The following PTPN1 variants were observed in gnomAD, a reference collection of about 807,000 sequenced individuals.
The protein encoded by PTPN1 is protein tyrosine phosphatase non-receptor type 1.
PTPN1 carries 12 observed loss-of-function variants against 59.9 expected under a neutral mutation model. That is an observed-to-expected ratio of 0.20 (90% CI 0.13 to 0.32). The LOEUF (loss-of-function observed/expected upper bound fraction) is 0.32, where lower values mean the gene tolerates loss of function less well. Among genes scored for constraint, PTPN1 ranks in the 10% least tolerant of loss-of-function variants. The pLI, the probability that PTPN1 is intolerant of heterozygous loss-of-function variation, is 1.00. For missense variants in PTPN1, 356 were observed against 549.2 expected (o/e 0.65, Z 3.52); for synonymous variants, 178 against 203.6 (o/e 0.87, Z 1.07).
chr20:50,521,773 A>T (rs756070356), intron 1 of PTPN1, among the ~76,000 whole-genome samples: 1 of 152,110 alleles, frequency 6.6e-6, no homozygotes, highest in Non-Finnish European at 1.5e-5. Flanking sequence ...ATGACATGCA[A>T]CTCTGGATTC....
intron 1 of PTPN1, among the ~76,000 whole-genome samples, chr20:50,550,855 G>A (rs928460889): frequency 1.3e-5 from 2 of 152,220 alleles, no homozygotes; most frequent in African/African-American, 2.4e-5. Context: ...ATTTTACCAT[G>A]GAGCCCGTAA....
chr20:50,552,284 A>C (rs1380197916), intron 1 of PTPN1, among the ~76,000 whole-genome samples: 1 of 152,160 alleles, frequency 6.6e-6, no homozygotes, highest in Non-Finnish European at 1.5e-5. Flanking sequence ...TTGTACTCAG[A>C]GTATGTGTGT....
chr20:50,552,505 C>T (rs1434796052), intron 1 of PTPN1, among the ~76,000 whole-genome samples: 1 of 152,124 alleles, frequency 6.6e-6, no homozygotes, highest in Non-Finnish European at 1.5e-5. Context: ...CTGCGCGTAG[C>T]AGCCAGAAGG....
chr20:50,560,117 C>A (rs986771374), intron 1 of PTPN1, among the ~76,000 whole-genome samples: 3 of 152,056 alleles, frequency 2.0e-5, no homozygotes, highest in African/African-American at 7.2e-5. Flanking sequence ...CTGCCTCCTA[C>A]CTGGAGGAGA....
chr20:50,544,422 C>T (rs2082666052), intron 1 of PTPN1, among the ~76,000 whole-genome samples: 3 of 152,182 alleles, frequency 2.0e-5, no homozygotes, highest in Non-Finnish European at 2.9e-5. Context: ...TCCCAAAGTG[C>T]TGGTATTACA....
chr20:50,579,383 T>C, intron 7 of PTPN1, 54 bp downstream of exon 7: 1 of 1,567,474 alleles, frequency 6.4e-7, no homozygotes, highest in Non-Finnish European at 8.7e-7. Context: ...TTTTTTGTCT[T>C]TGAAGGAGGC....
At chr20:50,547,787 A>G (rs1601400978) in intron 1 of PTPN1, among the ~76,000 whole-genome samples, 1 of 152,314 alleles carries the variant, frequency 6.6e-6, no homozygotes, top group South Asian at 2.1e-4. Context: ...ATAATTTTTC[A>G]GTTCTGAAAC....
intron 5 of PTPN1, among the ~76,000 whole-genome samples, chr20:50,575,380 T>G (rs916314091): frequency 6.6e-6 from 1 of 152,306 alleles, no homozygotes; most frequent in Admixed American, 6.5e-5. Flanking sequence ...CTCATCACAG[T>G]GTCTCCGTTT....
At chr20:50,518,666 T>TCTGAA in intron 1 of PTPN1, among the ~76,000 whole-genome samples, 1 of 152,300 alleles carries the variant, frequency 6.6e-6, no homozygotes, top group South Asian at 2.1e-4. Context: ...TTGTTTTTAC[T>TCTGAA]CTGAACTGAA....
At chr20:50,522,337 T>A (rs2082554999) in intron 1 of PTPN1, among the ~76,000 whole-genome samples, 1 of 152,190 alleles carries the variant, frequency 6.6e-6, no homozygotes, top group Admixed American at 6.5e-5. Flanking sequence ...TAATGGGGGC[T>A]GATAAAAGAA....
At position 50,565,055 on chromosome 20, in the gene PTPN1, T is replaced by TA; in HGVS notation, c.242dup (p.Tyr81Ter). 6.2e-7 allele frequency: 1 copy of TA among 1,612,372 alleles called. No homozygotes were observed. The part of the protein sequence containing the change: ...LIKMEEAQRS[Y>*]ILTQGPLPNT... Reference sequence around the variant, plus strand: ...AAAAATGGAAGAAGCCCAAAGGAGTTACATTCTTACCCAGGTAAGCAGATT... The same window carrying TA: ...AAAAATGGAAGAAGCCCAAAGGAGTTAACATTCTTACCCAGGTAAGCAGATT... Residue 81 changes from tyrosine (Y) to a stop codon, truncating the protein, a stop_gained and frameshift_variant, in exon 3 of 10, where the codon TAC (tyrosine) becomes TAAC (stop). Transcript: ENST00000371621. LOFTEE classifies it high-confidence loss of function.
At chr20:50,517,328 C>T (rs1169980436) in intron 1 of PTPN1, among the ~76,000 whole-genome samples, 2 of 152,120 alleles carry the variant, frequency 1.3e-5, no homozygotes, top group African/African-American at 4.8e-5. Context: ...AATCTTGGCT[C>T]ACTGCAACCT....
Position 50,582,664 on chromosome 20 carries a change from T to C in PTPN1, c.1285-28T>C. On this transcript the variant is annotated intron_variant, in intron 9 of 9. Coordinates refer to ENST00000371621, the MANE Select transcript of PTPN1 (RefSeq NM_002827.4). The surrounding 1 kb of genome is among the most constrained non-coding windows in gnomAD (Gnocchi z 4.2). The stretch of plus-strand genomic sequence containing the variant: ...CAGCTCTGCAGGTGCGGGTCTGGGC[T>C]CATCTGAACTGTTTGGTTTCATTCC... The C allele has an allele frequency of 6.2e-7, 1 of 1,612,724 alleles. No homozygotes were observed. Among genetic ancestry groups the C allele is most frequent in the Non-Finnish European group, 8.5e-7 (1 of 1,179,466 alleles).
intron 1 of PTPN1, among the ~76,000 whole-genome samples, chr20:50,546,961 G>T (rs528145865): frequency 6.6e-6 from 1 of 152,286 alleles, no homozygotes; most frequent in South Asian, 2.1e-4. Flanking sequence ...AAAGCAGAAG[G>T]TAAACAAAAC....
intron 1 of PTPN1, among the ~76,000 whole-genome samples, chr20:50,533,849 G>A (rs904146759): frequency 1.3e-5 from 2 of 152,174 alleles, no homozygotes; most frequent in Non-Finnish European, 2.9e-5. Context: ...GAGAATGATG[G>A]AAGCTTCCGT....
chr20:50,524,427 C>T (rs2082564321), intron 1 of PTPN1, among the ~76,000 whole-genome samples: 2 of 151,996 alleles, frequency 1.3e-5, no homozygotes, highest in South Asian at 4.1e-4. Flanking sequence ...AAGTTTTAGC[C>T]TTCCCACTAG....
At chr20:50,529,273 G>A (rs1027332408) in intron 1 of PTPN1, among the ~76,000 whole-genome samples, 1 of 152,170 alleles carries the variant, frequency 6.6e-6, no homozygotes, top group African/African-American at 2.4e-5. Flanking sequence ...TTCAAACTTC[G>A]TAGGTTTTGT....
At chr20:50,542,864 T>A (rs2082658665) in intron 1 of PTPN1, among the ~76,000 whole-genome samples, 1 of 152,220 alleles carries the variant, frequency 6.6e-6, no homozygotes, top group African/African-American at 2.4e-5. Context: ...CAAAAGATCT[T>A]GCATCTGTTG....
At chr20:50,520,228 G>T (rs1056460810) in intron 1 of PTPN1, among the ~76,000 whole-genome samples, 2 of 151,980 alleles carry the variant, frequency 1.3e-5, no homozygotes, top group African/African-American at 4.8e-5. Flanking sequence ...AAAATTAGCC[G>T]AGCGTGGTGG....
Sources: gnomAD v4.1 joint callset for allele counts (sites outside exome capture counted in the v4.1 genomes callset) on GRCh38, gnomAD v4.1.1 for gene constraint, Gnocchi (gnomAD v3.1) non-coding constraint, MANE v1.5 for transcripts, NCBI Gene and HGNC (gene_info 2026-07-23, HGNC 2026-07-21) for gene names.